Variants in TRHDE observed in about 807,000 individuals in gnomAD.
The protein encoded by TRHDE is thyrotropin releasing hormone degrading enzyme, also known as thyrotropin-releasing hormone-degrading ectoenzyme.
A neutral mutation model predicts 125.7 loss-of-function variants in TRHDE; 72 were observed. The ratio of observed to expected loss-of-function variants is 0.57; its 90% confidence interval spans 0.47 to 0.70. The LOEUF (loss-of-function observed/expected upper bound fraction) is 0.70. TRHDE is among the 30% of genes least tolerant of loss of function. The pLI is 0.00. For missense variants in TRHDE, 1,110 were observed against 1,327.1 expected, an observed-to-expected ratio of 0.84 and a Z score of 2.54; for synonymous variants, 509 against 509.1, an observed-to-expected ratio of 1.00 and a Z score of 0.00.
chr12:72,486,100 C>A (rs1592482021), intron 5 of TRHDE, among the ~76,000 whole-genome samples: 1 of 152,248 alleles, frequency 6.6e-6, no homozygotes, highest in African/African-American at 2.4e-5. Flanking sequence ...ACTGGAGAAC[C>A]TATTTTCCCC....
chr12:72,254,934 C>T (rs114572834), intron 2 of TRHDE: 7 of 152,184 alleles, frequency 4.6e-5, no homozygotes, highest in African/African-American at 1.7e-4. Context: ...TACAGAAAGG[C>T]TCCTGGAAAT....
chr12:72,575,775 A>T (rs1211513710), intron 12 of TRHDE, among the ~76,000 whole-genome samples: 4 of 152,170 alleles, frequency 2.6e-5, no homozygotes, highest in African/African-American at 9.6e-5. Context: ...CACAAGGTCG[A>T]TTTAACACTG....
At chr12:72,220,453 G>C (rs1877979639) in intron 2 of TRHDE, among the ~76,000 whole-genome samples, 1 of 152,088 alleles carries the variant, frequency 6.6e-6, no homozygotes, top group South Asian at 2.1e-4. Flanking sequence ...CTTGTTATTT[G>C]TGTTGTTAGC....
At chr12:72,475,231 T>C (rs904012300) in intron 5 of TRHDE, among the ~76,000 whole-genome samples, 5 of 152,184 alleles carry the variant, frequency 3.3e-5, no homozygotes, top group African/African-American at 1.2e-4. Flanking sequence ...TGGTTTTTGA[T>C]GACTTTCCAC....
chr12:72,283,037 G>A (rs975225489), intron 1 of TRHDE, among the ~76,000 whole-genome samples: 9 of 152,168 alleles, frequency 5.9e-5, no homozygotes, highest in African/African-American at 2.2e-4. Flanking sequence ...TGCTTTAGGA[G>A]AATGTAATTT....
intron 2 of TRHDE, among the ~76,000 whole-genome samples, chr12:72,323,825 C>CAA (rs1555176378): frequency 2.5e-5 from 2 of 81,188 alleles, no homozygotes; most frequent in South Asian, 4.9e-4. Flanking sequence ...AATTATGGAG[C>CAA]GAGAGAGAAA....
intron 2 of TRHDE, among the ~76,000 whole-genome samples, chr12:72,301,724 A>G (rs1020846777): frequency 6.6e-6 from 1 of 152,180 alleles, no homozygotes; most frequent in Non-Finnish European, 1.5e-5. Flanking sequence ...AGTGCCTATC[A>G]AAGTGCTTGA....
intron 6 of TRHDE, among the ~76,000 whole-genome samples, chr12:72,527,600 A>AAC (rs199506200): frequency 6.6e-6 from 1 of 151,230 alleles, no homozygotes; most frequent in Admixed American, 6.6e-5. Context: ...AAAAAAAAAA[A>AAC]GACAAAATAA....
chr12:72,224,762 AT>A (rs1161271667), intron 2 of TRHDE, among the ~76,000 whole-genome samples: 2 of 152,142 alleles, frequency 1.3e-5, no homozygotes, highest in African/African-American at 4.8e-5. Flanking sequence ...ATTTTGCAGC[AT>A]TTGTATTTTA....
At chr12:72,277,445 G>C in intron 1 of TRHDE, among the ~76,000 whole-genome samples, 1 of 152,156 alleles carries the variant, frequency 6.6e-6, no homozygotes, top group East Asian at 1.9e-4. Flanking sequence ...TAAGAAGATA[G>C]CTTAACATGA....
At chr12:72,218,151 A>C (rs1248453843) in intron 2 of TRHDE, among the ~76,000 whole-genome samples, 1 of 152,146 alleles carries the variant, frequency 6.6e-6, no homozygotes, top group Non-Finnish European at 1.5e-5. Context: ...TAGGCACAGA[A>C]AAAATGTGAA....
At chr12:72,145,660 A>G (rs538116094) in intron 2 of TRHDE, among the ~76,000 whole-genome samples, 1 of 152,294 alleles carries the variant, frequency 6.6e-6, no homozygotes, top group South Asian at 2.1e-4. Flanking sequence ...TCATGGTCAA[A>G]AGCTGACTCC....
In TRHDE at chr12:72,280,639, G is replaced by A. The variant is rs146460871; in HGVS notation, c.915-6042G>A. On this transcript the variant is annotated intron_variant, in intron 1 of 18. Coordinates refer to ENST00000261180, the MANE Select transcript of TRHDE (RefSeq NM_013381.3). ...GATCAAATACTGGGAGATGGAGAGG[G>A]TTGAGGGAGCAGAAAGACTGAGGGA... 5.0e-3 allele frequency among the ~76,000 whole-genome samples: 761 copies of A among 152,268 alleles called. 9 individuals carry two copies. The highest frequency in any genetic ancestry group is 0.018 in the African/African-American group (737 of 41,558).
At chr12:72,575,151 A>G (rs150758603) in intron 10 of TRHDE, 104 bp from the exon 11 acceptor site, 1 of 1,064,020 alleles carries the variant, frequency 9.4e-7, no homozygotes, top group Non-Finnish European at 1.4e-6. Context: ...TTAAGATGAC[A>G]TTCACTTAAT....
intron 2 of TRHDE, among the ~76,000 whole-genome samples, chr12:72,122,757 G>C (rs1313051298): frequency 6.6e-6 from 1 of 151,872 alleles, no homozygotes; most frequent in Non-Finnish European, 1.5e-5. Context: ...CCAAAAAATA[G>C]GTCTTCTATG....
intron 15 of TRHDE, among the ~76,000 whole-genome samples, chr12:72,624,861 A>G (rs1321096767): frequency 6.6e-6 from 1 of 151,900 alleles, no homozygotes; most frequent in Non-Finnish European, 1.5e-5. Context: ...GTGGAGATAC[A>G]ATGCAAATGA....
intron 2 of TRHDE, among the ~76,000 whole-genome samples, chr12:72,328,327 C>G (rs1429426737): frequency 6.6e-6 from 1 of 152,112 alleles, no homozygotes; most frequent in African/African-American, 2.4e-5. Flanking sequence ...TTTGGAATTT[C>G]TTTTTCTTGG....
chr12:72,617,464 T>G (rs1592575019), intron 12 of TRHDE, among the ~76,000 whole-genome samples: 1 of 152,258 alleles, frequency 6.6e-6, no homozygotes, highest in East Asian at 1.9e-4. Flanking sequence ...GATGAAAAAG[T>G]CTCCGTTTCC....
At chr12:72,538,937 C>G (rs1230581949) in intron 6 of TRHDE, among the ~76,000 whole-genome samples, 26 of 151,886 alleles carry the variant, frequency 1.7e-4, no homozygotes, top group Non-Finnish European at 1.5e-5. Flanking sequence ...CTGTCTCAAT[C>G]TTATTTTCCA....
Sources: gnomAD v4.1 joint callset for allele counts (sites outside exome capture counted in the v4.1 genomes callset) on GRCh38, gnomAD v4.1.1 for gene constraint, MANE v1.5 for transcripts, NCBI Gene and HGNC (gene_info 2026-07-23, HGNC 2026-07-21) for gene names.